The following GLIS3 variants were observed in gnomAD, a reference collection of about 807,000 sequenced individuals.
The protein encoded by GLIS3 is GLIS family zinc finger 3, also known as zinc finger protein GLIS3.
GLIS3 carries 53 observed loss-of-function variants against 78.6 expected under a neutral mutation model. That is an observed-to-expected ratio of 0.67 (90% CI 0.54 to 0.85). The LOEUF is 0.85. Among genes scored for constraint, GLIS3 ranks in the 40% least tolerant of loss-of-function variants. The probability of loss-of-function intolerance (pLI) is 0.00; values close to 1 mark genes in which losing one functional copy is unlikely to be tolerated. For missense variants in GLIS3, 1,703 were observed against 1,231.1 expected (o/e 1.38, Z -5.74); for synonymous variants, 684 against 509.9 (o/e 1.34, Z -4.60).
intron 4 of GLIS3, among the ~76,000 whole-genome samples, chr9:3,972,909 C>T (rs1818492293): frequency 6.6e-6 from 1 of 152,122 alleles, no homozygotes; most frequent in Non-Finnish European, 1.5e-5. Flanking sequence ...GTGAATCTCT[C>T]TTCTGACGCT....
the GLIS3 span, among the ~76,000 whole-genome samples, chr9:4,415,963 C>A: frequency 6.6e-6 from 1 of 150,964 alleles, no homozygotes; most frequent in African/African-American, 2.4e-5. Context: ...ATATATACTG[C>A]CATTTTAAAA....
chr9:4,460,565 C>A, the GLIS3 span, among the ~76,000 whole-genome samples: 1 of 150,170 alleles, frequency 6.7e-6, no homozygotes, highest in African/African-American at 2.5e-5. Context: ...CCCCACCACC[C>A]CCCGAGTTTA....
the GLIS3 span, among the ~76,000 whole-genome samples, chr9:4,415,182 T>C: frequency 6.6e-6 from 1 of 152,122 alleles, no homozygotes; most frequent in Non-Finnish European, 1.5e-5. Flanking sequence ...TGTAAATGGA[T>C]TAGGGATCTG....
chr9:4,127,041 T>C (rs895811199), intron 2 of GLIS3, among the ~76,000 whole-genome samples: 1 of 152,200 alleles, frequency 6.6e-6, no homozygotes, highest in African/African-American at 2.4e-5. Flanking sequence ...TGTCATCTTT[T>C]GTAACATTCT....
At chr9:4,126,996 TC>T (rs1041974177) in intron 2 of GLIS3, among the ~76,000 whole-genome samples, 1 of 152,190 alleles carries the variant, frequency 6.6e-6, no homozygotes, top group Non-Finnish European at 1.5e-5. Context: ...TATTTTGTTT[TC>T]CCCAAAATTA....
At chr9:4,163,669 C>G (rs1427147241) in intron 2 of GLIS3, among the ~76,000 whole-genome samples, 2 of 152,210 alleles carry the variant, frequency 1.3e-5, no homozygotes, top group African/African-American at 2.4e-5. Flanking sequence ...CATTGAGTAG[C>G]TACACTTCAG....
chr9:4,040,810 C>CA (rs1340057112), intron 4 of GLIS3, among the ~76,000 whole-genome samples: 1 of 152,172 alleles, frequency 6.6e-6, no homozygotes, highest in Admixed American at 6.5e-5. Flanking sequence ...TCAACTGGGT[C>CA]AACTGGGTCA....
intron 4 of GLIS3, chr9:4,305,273 A>G (rs951675373): frequency 5.9e-5 from 9 of 152,260 alleles, no homozygotes; most frequent in Admixed American, 4.6e-4. Flanking sequence ...GTATGTTGGA[A>G]GAAGAGTGGA....
chr9:4,389,052 C>A, the GLIS3 span, among the ~76,000 whole-genome samples: 1 of 152,172 alleles, frequency 6.6e-6, no homozygotes, highest in African/African-American at 2.4e-5. Flanking sequence ...ACTGAGGTGC[C>A]ACAGCCTCCG....
At position 4,289,495 on chromosome 9, in the gene GLIS3, T is replaced by C. The variant is rs1828270730; in HGVS notation, c.-98-2972A>G. 2.0e-5 allele frequency among the ~76,000 whole-genome samples: 3 copies of C among 152,306 alleles called. No homozygotes were observed. In the South Asian group the frequency reaches 6.2e-4, roughly 32 times the overall value. On this transcript the variant is annotated intron_variant, in intron 1 of 10. Coordinates refer to ENST00000381971, the MANE Select transcript of GLIS3 (RefSeq NM_001042413.2). Reference sequence around the variant, plus strand: ...GAACAACAAATTTCAACATTGCATTTACACTTTGCCAAAAAGGTAAAATCA... The same window carrying C: ...GAACAACAAATTTCAACATTGCATTCACACTTTGCCAAAAAGGTAAAATCA...
intron 4 of GLIS3, among the ~76,000 whole-genome samples, chr9:4,090,981 C>T (rs889615451): frequency 4.6e-5 from 7 of 152,238 alleles, no homozygotes; most frequent in Non-Finnish European, 7.4e-5. Context: ...ATGTATTTAA[C>T]CTCTTTGTGC....
chr9:4,056,232 T>G (rs966927528), intron 4 of GLIS3, among the ~76,000 whole-genome samples: 1 of 152,226 alleles, frequency 6.6e-6, no homozygotes, highest in Non-Finnish European at 1.5e-5. Flanking sequence ...CCCTTCCAGC[T>G]CACAGAGCCT....
At chr9:4,439,224 C>T in the GLIS3 span, among the ~76,000 whole-genome samples, 3 of 152,000 alleles carry the variant, frequency 2.0e-5, no homozygotes, top group East Asian at 5.8e-4. Context: ...TTCTATTTTC[C>T]AAGATTTCTA....
intron 4 of GLIS3, among the ~76,000 whole-genome samples, chr9:4,045,653 C>T (rs1825189318): frequency 1.3e-5 from 2 of 152,032 alleles, no homozygotes; most frequent in Non-Finnish European, 2.9e-5. Flanking sequence ...TTCTTTTGTA[C>T]ATGCAATGTA....
chr9:4,200,604 C>G (rs1404680245), intron 2 of GLIS3, among the ~76,000 whole-genome samples: 1 of 151,968 alleles, frequency 6.6e-6, no homozygotes, highest in Non-Finnish European at 1.5e-5. Context: ...AAAATTGAAA[C>G]AGGAAGAAAT....
intron 4 of GLIS3, among the ~76,000 whole-genome samples, chr9:3,986,121 T>C (rs1819722161): frequency 6.6e-6 from 1 of 152,240 alleles, no homozygotes; most frequent in Admixed American, 6.5e-5. Context: ...GCATTTTCAA[T>C]ATCTTAGAGC....
At chr9:3,835,893 T>A (rs975988922) in intron 9 of GLIS3, among the ~76,000 whole-genome samples, 3 of 152,234 alleles carry the variant, frequency 2.0e-5, no homozygotes, top group Non-Finnish European at 2.9e-5. Flanking sequence ...ACTCCATGCC[T>A]TTTTGGAGCC....
intron 4 of GLIS3, among the ~76,000 whole-genome samples, chr9:4,021,911 C>T (rs1273780758): frequency 6.6e-6 from 1 of 152,134 alleles, no homozygotes; most frequent in Non-Finnish European, 1.5e-5. Context: ...TTTGGGTACC[C>T]TCCTTAGCCA....
At chr9:3,997,686 T>A (rs994684003) in intron 4 of GLIS3, among the ~76,000 whole-genome samples, 2 of 151,416 alleles carry the variant, frequency 1.3e-5, no homozygotes, top group East Asian at 3.9e-4. Flanking sequence ...TAAAAAAAAA[T>A]AGCAAACTAA....
Sources: allele counts gnomAD v4.1 joint callset (sites outside exome capture counted in the v4.1 genomes callset), GRCh38; gene constraint gnomAD v4.1.1; transcripts MANE v1.5; gene names NCBI Gene and HGNC (gene_info 2026-07-23, HGNC 2026-07-21).